MINK1: variants seen among roughly 807,000 people sequenced by gnomAD.
MINK1 encodes misshapen like kinase 1.
MINK1 carries 46 observed loss-of-function variants against 178.4 expected under a neutral mutation model. The observed-to-expected ratio is 0.26, with a 90% CI of 0.20 to 0.33. The LOEUF (loss-of-function observed/expected upper bound fraction) is 0.33, where lower values mean the gene tolerates loss of function less well. Among genes scored for constraint, MINK1 ranks in the 10% least tolerant of loss-of-function variants. The pLI is 1.00. For missense variants in MINK1, 1,366 were observed against 1,814.9 expected, an observed-to-expected ratio of 0.75 and a Z score of 4.49; for synonymous variants, 797 against 709.7, an observed-to-expected ratio of 1.12 and a Z score of -1.96.
intron 1 of MINK1, among the ~76,000 whole-genome samples, chr17:4,851,717 C>T (rs372129564): frequency 1.3e-5 from 2 of 152,118 alleles, no homozygotes; most frequent in East Asian, 1.9e-4. Context: ...AGTCCACTCT[C>T]GGGCCGTGCG....
intron 13 of MINK1, 49 bp from the exon 14 acceptor site, chr17:4,890,468 T>TC: frequency 6.5e-7 from 1 of 1,543,112 alleles, no homozygotes; most frequent in Non-Finnish European, 8.8e-7. Context: ...CTGCTCTAAC[T>TC]CCCAGGGCCA....
At position 4,894,332 on chromosome 17, in the gene MINK1, TC is replaced by T; in HGVS notation, c.2808+23del. On this transcript the variant is annotated intron_variant, in intron 23 of 31. Transcript: ENST00000355280. This position sits in a 1 kb window ranked among gnomAD's most constrained non-coding sequence, Gnocchi z 4.1. ...GTGACGTAAGTGGGCCGGAGGCAGGTCCGCCGGGAGAGAAGAGCCCTGGCGA... is the reference window on the plus strand; with the variant it reads ...GTGACGTAAGTGGGCCGGAGGCAGGTCGCCGGGAGAGAAGAGCCCTGGCGA... 1 of 1,605,122 alleles carries T rather than the reference TC, an allele frequency of 6.2e-7. No individual in the cohort carries two copies. Among genetic ancestry groups the T allele is most frequent in the Non-Finnish European group, 8.5e-7 (1 of 1,177,426 alleles).
intron 1 of MINK1, among the ~76,000 whole-genome samples, chr17:4,838,740 CCAGA>C (rs1416352726): frequency 6.6e-6 from 1 of 152,162 alleles, no homozygotes; most frequent in Non-Finnish European, 1.5e-5. Flanking sequence ...ATTTCTGTCT[CCAGA>C]CAAAGTTGAA....
chr17:4,892,820 A>C, intron 19 of MINK1, 52 bp downstream of exon 19: 9 of 1,510,608 alleles, frequency 6.0e-6, no homozygotes, highest in Non-Finnish European at 8.1e-6. Flanking sequence ...GCTTATCACC[A>C]TGGACCCTGC....
intron 1 of MINK1, among the ~76,000 whole-genome samples, chr17:4,876,234 G>T (rs897065143): frequency 6.6e-6 from 1 of 152,196 alleles, no homozygotes. Flanking sequence ...TCCCGAGCAG[G>T]CTGGGCTGTT....
At chr17:4,838,544 A>C (rs1251244932) in intron 1 of MINK1, among the ~76,000 whole-genome samples, 1 of 152,168 alleles carries the variant, frequency 6.6e-6, no homozygotes, top group Non-Finnish European at 1.5e-5. Context: ...CAACTTGCAC[A>C]TGTAAACCAT....
intron 1 of MINK1, chr17:4,857,261 GC>G: frequency 4.5e-6 from 1 of 222,784 alleles, no homozygotes; most frequent in Non-Finnish European, 9.4e-6. Context: ...TGGCCATGAT[GC>G]CGGTGCCATT....
At position 4,886,406 on chromosome 17, in the gene MINK1, C is replaced by A. The variant is rs73973645; in HGVS notation, c.774-45C>A. ...TCCACCCTCTTCCTCCTGCACCCATCCCTTCTGAGGGGACCCTCCCAGTGT... is the reference window on the plus strand; with the variant it reads ...TCCACCCTCTTCCTCCTGCACCCATACCTTCTGAGGGGACCCTCCCAGTGT... On this transcript the variant is annotated intron_variant, in intron 9 of 31. Transcript: ENST00000355280. This position sits in a 1 kb window ranked among gnomAD's most constrained non-coding sequence, Gnocchi z 6.1. 7.0e-6 allele frequency: 11 copies of A among 1,572,388 alleles called. No homozygotes were observed. Among genetic ancestry groups the A allele is most frequent in the Non-Finnish European group, 7.8e-6 (9 of 1,156,322 alleles).
intron 1 of MINK1, among the ~76,000 whole-genome samples, chr17:4,858,877 A>G (rs540585940): frequency 6.6e-6 from 1 of 152,188 alleles, no homozygotes; most frequent in African/African-American, 2.4e-5. Flanking sequence ...ACAAGGAGCT[A>G]GGAAAGGAGG....
chr17:4,889,850 C>CT (rs1201092811), intron 13 of MINK1, 87 bp downstream of exon 13: 2 of 885,700 alleles, frequency 2.3e-6, no homozygotes, highest in African/African-American at 3.6e-5. Context: ...TCCCCCTTCT[C>CT]TCCCCCACCC....
chr17:4,890,431 G>A (rs1317446433), intron 13 of MINK1, 86 bp from the exon 14 acceptor site: 11 of 1,504,474 alleles, frequency 7.3e-6, no homozygotes, highest in African/African-American at 6.9e-5. Context: ...CTCCTCTCTA[G>A]GCAGTTGGAG....
Position 4,833,568 on chromosome 17 carries a change from G to A in MINK1, c.-16G>A, listed in dbSNP as rs1401809732. 2 of 1,495,052 alleles carry A rather than the reference G, an allele frequency of 1.3e-6. No individual in the cohort carries two copies. Among genetic ancestry groups the A allele is most frequent in the African/African-American group, 2.9e-5 (2 of 68,852 alleles). The allele number at this position is 1,495,052 out of a possible 1,614,324, so 92.6% of individuals were successfully genotyped here. A position where few individuals can be genotyped will look rare whatever the true frequency, so the allele number is the denominator to read the frequency against. On this transcript the variant is annotated 5_prime_UTR_variant, in exon 1 of 32. Coordinates refer to ENST00000355280, the MANE Select transcript of MINK1 (RefSeq NM_153827.5). This position sits in a 1 kb window ranked among gnomAD's most constrained non-coding sequence, Gnocchi z 4.8. ...GGAGCGTGAGCGGCCCCGGTGCCCCGTTCCCCACGGAGGCCATGGGCGACC... is the reference window on the plus strand; with the variant it reads ...GGAGCGTGAGCGGCCCCGGTGCCCCATTCCCCACGGAGGCCATGGGCGACC...
At position 4,895,002 on chromosome 17, in the gene MINK1, T is replaced by G. The variant is rs1029309524; in HGVS notation, c.2918-73T>G. 1.3e-6 allele frequency: 2 copies of G among 1,511,744 alleles called. No individual in the cohort carries two copies. The highest frequency in any genetic ancestry group is 1.8e-6 in the Non-Finnish European group (2 of 1,104,030). The allele number at this position is 1,511,744 out of a possible 1,614,324, so 93.6% of individuals were successfully genotyped here. On this transcript the variant is annotated intron_variant, in intron 24 of 31. Coordinates refer to ENST00000355280, the MANE Select transcript of MINK1 (RefSeq NM_153827.5). The surrounding 1 kb of genome is among the most constrained non-coding windows in gnomAD (Gnocchi z 4.3). ...TATTATGAGGTGCCAAGACCTGATA[T>G]AGGGGATGGAGGTAAAAAGAGATGG...
chr17:4,851,308 GATTTGCGGATTTGCCTAA>G (rs766183214), intron 1 of MINK1, among the ~76,000 whole-genome samples: 11 of 152,194 alleles, frequency 7.2e-5, no homozygotes, highest in Non-Finnish European at 1.3e-4. Flanking sequence ...GAGGTTAAGT[GATTTGCGGATTTGCCTAA>G]ATTATACAGA....
At chr17:4,851,328 T>A (rs1911913347) in intron 1 of MINK1, among the ~76,000 whole-genome samples, 1 of 152,166 alleles carries the variant, frequency 6.6e-6, no homozygotes, top group African/African-American at 2.4e-5. Context: ...TTTGCCTAAA[T>A]TATACAGAAG....
At chr17:4,838,128 A>G (rs1404617902) in intron 1 of MINK1, among the ~76,000 whole-genome samples, 2 of 152,200 alleles carry the variant, frequency 1.3e-5, no homozygotes, top group African/African-American at 2.4e-5. Flanking sequence ...AGGACATTCA[A>G]TAGTGACTTT....
At chr17:4,874,598 AG>A (rs1967004833) in intron 1 of MINK1, among the ~76,000 whole-genome samples, 1 of 152,170 alleles carries the variant, frequency 6.6e-6, no homozygotes, top group Admixed American at 6.6e-5. Flanking sequence ...GAGAAAGGAC[AG>A]GGTGGCTGCG....
Position 4,896,610 on chromosome 17 carries a change from C to G in MINK1, c.3775+22C>G. ...GTGGGTGAGTGAGCTGCCGCCCTCCCAGCCACATGCCCCGAGGTGGCCCCG... is the reference window on the plus strand; with the variant it reads ...GTGGGTGAGTGAGCTGCCGCCCTCCGAGCCACATGCCCCGAGGTGGCCCCG... On this transcript the variant is annotated intron_variant, in intron 30 of 31. Transcript: ENST00000355280. The surrounding 1 kb of genome is among the most constrained non-coding windows in gnomAD (Gnocchi z 4.6). 6.2e-7 allele frequency: 1 copy of G among 1,613,246 alleles called. No individual in the cohort carries two copies.
In MINK1 at chr17:4,890,971, G is replaced by C. The variant is rs994122552; in HGVS notation, c.1587G>C (p.Met529Ile). ...CACAGGTAGAAGAGAGAACAAGGAT[G>C]AACAAGCAGCAGAACTCTCCCTTGG... ...WAREVEERTRMNKQQNSPLAK... is the reference protein window; with the variant it reads ...WAREVEERTRINKQQNSPLAK... The change falls in exon 15 of 32, where the codon ATG becomes ATC. Residue 529 changes from methionine to isoleucine, a missense_variant. This residue lies in a region of MINK1 where 709 missense variants were observed against 692.3 expected (regional missense o/e 1.02). Transcript: ENST00000355280. 3 of 1,557,822 alleles carry C rather than the reference G, an allele frequency of 1.9e-6. No homozygotes were observed. Among genetic ancestry groups the C allele is most frequent in the Admixed American group, 3.9e-5 (2 of 51,634 alleles).
Sources: allele counts gnomAD v4.1 joint callset (sites outside exome capture counted in the v4.1 genomes callset), GRCh38; gene constraint gnomAD v4.1.1; regional missense constraint gnomAD v4.1.1; non-coding constraint Gnocchi (gnomAD v3.1); transcripts MANE v1.5; gene names NCBI Gene and HGNC (gene_info 2026-07-23, HGNC 2026-07-21).